Variants in PRKG1 observed in about 807,000 individuals in gnomAD.
PRKG1 encodes cGMP-dependent protein kinase 1.
A neutral mutation model predicts 88.1 loss-of-function variants in PRKG1; 35 were observed. The observed-to-expected ratio is 0.40, with a 90% CI of 0.30 to 0.53. The LOEUF (loss-of-function observed/expected upper bound fraction) is 0.53, where lower values mean the gene tolerates loss of function less well. PRKG1 is among the 20% of genes least tolerant of loss of function. PRKG1 has a pLI of 0.59. For missense variants in PRKG1, 540 were observed against 839.8 expected (o/e 0.64, Z 4.41); for synonymous variants, 303 against 292.5 (o/e 1.04, Z -0.37).
intron 3 of PRKG1, among the ~76,000 whole-genome samples, chr10:51,648,003 G>T (rs991534567): frequency 2.0e-5 from 3 of 149,512 alleles, no homozygotes; most frequent in African/African-American, 4.9e-5. Flanking sequence ...TTCCTTTTAG[G>T]TTATAATTTA....
chr10:51,476,811 G>C (rs1204858277), intron 3 of PRKG1, among the ~76,000 whole-genome samples: 2 of 151,908 alleles, frequency 1.3e-5, no homozygotes, highest in African/African-American at 2.4e-5. Flanking sequence ...TTGAGTTCAG[G>C]TCAGGTAAAA....
rs531044005 is a variant in PRKG1 at position 51,389,315 on chromosome 10, C to T, written c.479-78408C>T. 3.9e-5 allele frequency among the ~76,000 whole-genome samples: 6 copies of T among 152,272 alleles called. No individual in the cohort carries two copies. In the East Asian group the frequency reaches 5.8e-4, roughly 15 times the overall value. On this transcript the variant is annotated intron_variant, in intron 2 of 17. Transcript: ENST00000373980. ...GAGAAATAACTTTTTTATTCCTTAT[C>T]CTGGTGCCCCATGCCACAGAATAAA...
At chr10:51,000,801 T>C (rs115290159) in intron 1 of PRKG1, among the ~76,000 whole-genome samples, 1 of 152,090 alleles carries the variant, frequency 6.6e-6, no homozygotes, top group Non-Finnish European at 1.5e-5. Context: ...TCAATAAGGG[T>C]ACACAAGAAA....
At chr10:52,238,442 A>C (rs1840750629) in intron 9 of PRKG1, among the ~76,000 whole-genome samples, 2 of 151,702 alleles carry the variant, frequency 1.3e-5, no homozygotes, top group Admixed American at 6.6e-5. Context: ...GCTAATATCC[A>C]GAATCTACAG....
intron 3 of PRKG1, among the ~76,000 whole-genome samples, chr10:51,638,823 G>A (rs2132293600): frequency 6.6e-6 from 1 of 152,182 alleles, no homozygotes; most frequent in East Asian, 1.9e-4. Flanking sequence ...CTTGAAAGAA[G>A]AAAGTCAACT....
intron 3 of PRKG1, among the ~76,000 whole-genome samples, chr10:51,665,297 G>T (rs545044098): frequency 6.6e-6 from 1 of 151,974 alleles, no homozygotes; most frequent in Admixed American, 6.6e-5. Context: ...CCTAATTTGC[G>T]GTATGAAATG....
intron 1 of PRKG1, among the ~76,000 whole-genome samples, chr10:51,017,038 G>T (rs967171881): frequency 2.0e-5 from 3 of 151,686 alleles, no homozygotes; most frequent in African/African-American, 7.3e-5. Context: ...AGGTGCTATA[G>T]CATCTTGAGT....
intron 1 of PRKG1, among the ~76,000 whole-genome samples, chr10:51,046,424 G>A (rs952491407): frequency 3.0e-4 from 45 of 152,182 alleles, no homozygotes; most frequent in African/African-American, 1.1e-3. Flanking sequence ...TTCTTGATAA[G>A]TGTTATGAAA....
At chr10:51,002,987 G>A (rs1331869772) in intron 1 of PRKG1, among the ~76,000 whole-genome samples, 1 of 152,150 alleles carries the variant, frequency 6.6e-6, no homozygotes, top group African/African-American at 2.4e-5. Flanking sequence ...TATAAAAAGT[G>A]TTTTGAAATT....
At chr10:51,055,708 A>G (rs777841700) in intron 1 of PRKG1, among the ~76,000 whole-genome samples, 9 of 152,002 alleles carry the variant, frequency 5.9e-5, no homozygotes, top group Non-Finnish European at 1.0e-4. Flanking sequence ...ACTGCAGTCC[A>G]GCCTGGGTGA....
intron 5 of PRKG1, among the ~76,000 whole-genome samples, chr10:52,038,574 G>A (rs1589546716): frequency 6.6e-6 from 1 of 151,698 alleles, no homozygotes; most frequent in East Asian, 1.9e-4. Flanking sequence ...GGGTTGAGGG[G>A]TACTTGCCCC....
At chr10:51,457,601 G>T (rs1047808719) in intron 2 of PRKG1, among the ~76,000 whole-genome samples, 1 of 152,098 alleles carries the variant, frequency 6.6e-6, no homozygotes, top group African/African-American at 2.4e-5. Flanking sequence ...AAAATAAACA[G>T]AATTATATAA....
intron 2 of PRKG1, among the ~76,000 whole-genome samples, chr10:51,284,865 C>CTTTTTTTTTTTTTTTTTTTTTTTTATT (rs5784867): frequency 3.9e-5 from 2 of 51,698 alleles, no homozygotes; most frequent in Non-Finnish European, 7.1e-5. Context: ...GTTGTGGGTA[C>CTTTTTTTTTTTTTTTTTTTTTTTTATT]TTTTTTTTTT....
intron 3 of PRKG1, among the ~76,000 whole-genome samples, chr10:51,595,668 T>C (rs1838426617): frequency 1.3e-5 from 2 of 151,876 alleles, no homozygotes; most frequent in Admixed American, 6.6e-5. Context: ...TCTGGCAAGC[T>C]TTTTTCCATA....
intron 2 of PRKG1, among the ~76,000 whole-genome samples, chr10:51,251,682 G>A (rs1839432246): frequency 6.6e-6 from 1 of 151,632 alleles, no homozygotes; most frequent in Non-Finnish European, 1.5e-5. Flanking sequence ...TCACTCCTTG[G>A]GAAGAGGTAA....
At chr10:52,013,437 G>A (rs899020330) in intron 5 of PRKG1, among the ~76,000 whole-genome samples, 1 of 149,782 alleles carries the variant, frequency 6.7e-6, no homozygotes, top group African/African-American at 2.5e-5. Flanking sequence ...AAAAAAGAAA[G>A]ATGGTTGGGA....
intron 2 of PRKG1, among the ~76,000 whole-genome samples, chr10:51,407,526 C>T (rs1837955077): frequency 6.6e-6 from 1 of 152,196 alleles, no homozygotes; most frequent in Non-Finnish European, 1.5e-5. Context: ...AGGAAATACT[C>T]ATGACAATTA....
intron 5 of PRKG1, among the ~76,000 whole-genome samples, chr10:51,965,761 C>T (rs1843553014): frequency 6.6e-6 from 1 of 152,136 alleles, no homozygotes; most frequent in Admixed American, 6.5e-5. Flanking sequence ...AGAATATCCT[C>T]CACTTAGCAG....
chr10:51,774,526 G>A (rs994787122), intron 3 of PRKG1, among the ~76,000 whole-genome samples: 1 of 151,956 alleles, frequency 6.6e-6, no homozygotes, highest in Non-Finnish European at 1.5e-5. Flanking sequence ...TCTCAGAAGT[G>A]TAATGGGTTT....
Sources: allele counts gnomAD v4.1 joint callset (sites outside exome capture counted in the v4.1 genomes callset), GRCh38; gene constraint gnomAD v4.1.1; transcripts MANE v1.5; gene names NCBI Gene and HGNC (gene_info 2026-07-23, HGNC 2026-07-21).